The following SLC41A1 variants were observed in gnomAD, a reference collection of about 807,000 sequenced individuals.
SLC41A1 encodes solute carrier family 41 member 1, also known as solute carrier family 41 (magnesium transporter), member 1.
In SLC41A1, 20 loss-of-function variants were observed where a neutral mutation model predicts 47.3. The ratio of observed to expected loss-of-function variants is 0.42; its 90% CI spans 0.30 to 0.61. The LOEUF (loss-of-function observed/expected upper bound fraction) is 0.61. SLC41A1 is among the 20% of genes least tolerant of loss of function. The pLI, the probability that SLC41A1 is intolerant of heterozygous loss-of-function variation, is 0.17. For synonymous variants in SLC41A1, 282 were observed against 272.7 expected, an observed-to-expected ratio of 1.03 and a Z score of -0.34; for missense variants, 504 against 674.1, an observed-to-expected ratio of 0.75 and a Z score of 2.79.
intron 10 of SLC41A1, among the ~76,000 whole-genome samples, chr1:205,792,164 T>C (rs930396889): frequency 2.6e-5 from 4 of 152,198 alleles, no homozygotes; most frequent in African/African-American, 9.6e-5. Flanking sequence ...CCTAAAGGGA[T>C]GTCTTCTCTC....
chr1:205,791,222 T>G lies in SLC41A1; in HGVS notation c.*311A>C, dbSNP rs1655619585. 1 of 413,992 alleles carries G rather than the reference T, an allele frequency of 2.4e-6. No homozygotes were observed. Among genetic ancestry groups the G allele is most frequent in the Non-Finnish European group, 4.5e-6 (1 of 220,668 alleles). 25.6% of individuals were successfully genotyped at this position (413,992 alleles called of 1,614,324 possible). ...CAGGTTGCTAAAGCCAAACCCCATG[T>G]CCCCAGATTCCAGACAAAACTCCCC... On this transcript the variant is annotated 3_prime_UTR_variant, in exon 11 of 11. Coordinates refer to ENST00000367137, the MANE Select transcript of SLC41A1 (RefSeq NM_173854.6). This position sits in a 1 kb window ranked among gnomAD's most constrained non-coding sequence, Gnocchi z 4.0.
At chr1:205,804,997 G>A (rs1005408539) in intron 2 of SLC41A1, among the ~76,000 whole-genome samples, 6 of 152,092 alleles carry the variant, frequency 3.9e-5, no homozygotes, top group African/African-American at 1.2e-4. Flanking sequence ...GCTACCATAA[G>A]CACCCCAAAT....
rs893172980 is a variant in SLC41A1 at position 205,811,019 on chromosome 1, C to T, written c.-578G>A. ...CCCTTCTCTTCCAGAAACTTCCTCC[C>T]TTCCTGGGAAGAGCTAATACCTCTT... On this transcript the variant is annotated 5_prime_UTR_variant, in exon 2 of 11. Transcript: ENST00000367137. 3.7e-5 allele frequency: 6 copies of T among 160,386 alleles called. No individual in the cohort carries two copies. Among genetic ancestry groups the T allele is most frequent in the African/African-American group, 1.4e-4 (6 of 41,528 alleles). The allele number at this position is 160,386 out of a possible 1,614,324, so 9.9% of individuals were successfully genotyped here. A position where few individuals can be genotyped will look rare whatever the true frequency, so the allele number is the denominator to read the frequency against.
chr1:205,797,051 T>G, intron 7 of SLC41A1, 48 bp from the exon 8 acceptor site: 1 of 1,543,606 alleles, frequency 6.5e-7, no homozygotes, highest in Non-Finnish European at 8.9e-7. Flanking sequence ...TGAAGGGTTC[T>G]GCCTTAGTCT....
intron 2 of SLC41A1, among the ~76,000 whole-genome samples, chr1:205,803,454 T>C (rs1173716187): frequency 6.6e-6 from 1 of 151,936 alleles, no homozygotes; most frequent in Admixed American, 6.6e-5. Context: ...AAACAAAATA[T>C]GCAAAGTGTG....
At chr1:205,809,693 T>C (rs1281551665) in intron 2 of SLC41A1, among the ~76,000 whole-genome samples, 2 of 152,118 alleles carry the variant, frequency 1.3e-5, no homozygotes, top group South Asian at 2.1e-4. Context: ...AAACCCCAAA[T>C]GCAGGGGACA....
At chr1:205,805,222 A>C (rs1234173211) in intron 2 of SLC41A1, among the ~76,000 whole-genome samples, 1 of 152,186 alleles carries the variant, frequency 6.6e-6, no homozygotes. Flanking sequence ...CCGAGTTGGC[A>C]CTTGGGTCAG....
Position 205,790,985 on chromosome 1 carries a change from G to A in SLC41A1, c.*548C>T, listed in dbSNP as rs571716671. 25 of 182,288 alleles carry A rather than the reference G, an allele frequency of 1.4e-4. No homozygotes were observed. The highest frequency in any genetic ancestry group is 6.0e-4 in the African/African-American group (25 of 41,988). The allele number at this position is 182,288 out of a possible 1,614,324, so 11.3% of individuals were successfully genotyped here. A position where few individuals can be genotyped will look rare whatever the true frequency, so the allele number is the denominator to read the frequency against. On this transcript the variant is annotated 3_prime_UTR_variant, in exon 11 of 11. Coordinates refer to ENST00000367137, the MANE Select transcript of SLC41A1 (RefSeq NM_173854.6). ...CTTAGGTCCAGAGGGCAAGAGAACA[G>A]AACTGGGATCACAGGGGCCTGGAGC...
rs778410477 is a variant in SLC41A1, at chr1:205,799,032, G to T, written c.622C>A (p.His208Asn). The change falls in exon 5 of 11, where the codon CAC (histidine) becomes AAC (asparagine). Residue 208 changes from histidine to asparagine, a missense_variant. Coordinates refer to ENST00000367137, the MANE Select transcript of SLC41A1 (RefSeq NM_173854.6). ...AVVFGWIPDG[H>N]FSIPHAFLLC... is the part of the protein sequence containing the mutation. ...AGGAAGGCGTGCGGAATACTGAAGT[G>T]GCCATCAGGGATCCAGCCAAAGACG... The T allele has an allele frequency of 6.2e-7, 1 of 1,613,802 alleles. No individual in the cohort carries two copies. The highest frequency in any genetic ancestry group is 8.5e-7 in the Non-Finnish European group (1 of 1,180,038).
At chr1:205,798,878 A>G in intron 5 of SLC41A1, 63 bp from the exon 6 acceptor site, 1 of 1,614,166 alleles carries the variant, frequency 6.2e-7, no homozygotes, top group East Asian at 2.2e-5. Flanking sequence ...CTCAACAAAC[A>G]AAAAGAGAGA....
At chr1:205,797,840 T>G (rs546253833) in intron 7 of SLC41A1, 64 bp downstream of exon 7, 3 of 1,608,158 alleles carry the variant, frequency 1.9e-6, no homozygotes, top group Admixed American at 1.7e-5. Flanking sequence ...TCTCCAGGGT[T>G]TAAAAAGAAG....
intron 1 of SLC41A1, among the ~76,000 whole-genome samples, chr1:205,812,516 G>T (rs192547092): frequency 2.6e-4 from 39 of 152,190 alleles, no homozygotes; most frequent in Non-Finnish European, 5.1e-4. Context: ...CCTGAGAGGG[G>T]GCTCCCAGGA....
At chr1:205,795,673 G>A in intron 8 of SLC41A1, 195 bp from the exon 9 acceptor site, 1 of 671,700 alleles carries the variant, frequency 1.5e-6, no homozygotes, top group South Asian at 1.8e-5. Flanking sequence ...AAAGACCCCT[G>A]CTTCCAGTGC....
At chr1:205,809,904 A>G (rs1656105054) in intron 2 of SLC41A1, among the ~76,000 whole-genome samples, 166 bp downstream of exon 2, 3 of 152,172 alleles carry the variant, frequency 2.0e-5, no homozygotes, top group Non-Finnish European at 1.5e-5. Flanking sequence ...GCTTCTGTAG[A>G]AAGGAACTAG....
chr1:205,808,722 T>A (rs1656073654), intron 2 of SLC41A1, among the ~76,000 whole-genome samples: 1 of 152,194 alleles, frequency 6.6e-6, no homozygotes, highest in African/African-American at 2.4e-5. Context: ...AACCTCCATG[T>A]AGGAACAACC....
rs377395173 is a variant in SLC41A1, at chr1:205,810,235, G to A, written c.207C>T (p.Asn69=). 18 of 1,614,084 alleles carry A rather than the reference G, an allele frequency of 1.1e-5. No individual in the cohort carries two copies. Among genetic ancestry groups the A allele is most frequent in the African/African-American group, 1.3e-5 (1 of 74,926 alleles). Residue 69 remains asparagine, a synonymous_variant, in exon 2 of 11, where the codon AAC becomes AAT. Coordinates refer to ENST00000367137, the MANE Select transcript of SLC41A1 (RefSeq NM_173854.6). This position sits in a 1 kb window ranked among gnomAD's most constrained non-coding sequence, Gnocchi z 5.5. ...GVREEDALLE[N]GSQSNESDDV... Reference sequence around the variant, plus strand: ...CGTCACTTTCGTTGCTCTGGCTCCCGTTCTCCAGCAGGGCGTCCTCCTCCC... The same window carrying A: ...CGTCACTTTCGTTGCTCTGGCTCCCATTCTCCAGCAGGGCGTCCTCCTCCC...
At chr1:205,796,459 T>C (rs561972590) in intron 8 of SLC41A1, 4 of 131,174 alleles carry the variant, frequency 3.0e-5, no homozygotes, top group Admixed American at 1.1e-4. Context: ...AAAGCGAGGT[T>C]TGCCTCTCTT....
At chr1:205,807,804 A>T (rs1179343179) in intron 2 of SLC41A1, among the ~76,000 whole-genome samples, 1 of 150,424 alleles carries the variant, frequency 6.6e-6, no homozygotes, top group African/African-American at 2.5e-5. Flanking sequence ...TTATACGAGA[A>T]TGCCACCATG....
At chr1:205,812,557 C>T (rs1656182609) in intron 1 of SLC41A1, among the ~76,000 whole-genome samples, 1 of 152,342 alleles carries the variant, frequency 6.6e-6, no homozygotes, top group African/African-American at 2.4e-5. Flanking sequence ...ACCACTCCCC[C>T]TGTAAAGAGA....
Sources: gnomAD v4.1 joint callset for allele counts (sites outside exome capture counted in the v4.1 genomes callset) on GRCh38, gnomAD v4.1.1 for gene constraint, Gnocchi (gnomAD v3.1) non-coding constraint, MANE v1.5 for transcripts, NCBI Gene and HGNC (gene_info 2026-07-23, HGNC 2026-07-21) for gene names.